FRMD4A: variants seen among roughly 807,000 people sequenced by gnomAD.
The protein encoded by FRMD4A is FERM domain containing 4A.
A neutral mutation model predicts 129.1 loss-of-function variants in FRMD4A; 29 were observed. That is an observed-to-expected ratio of 0.22 (90% CI 0.17 to 0.31). FRMD4A has a LOEUF of 0.31. FRMD4A is among the 10% of genes least tolerant of loss of function. The pLI is 1.00. For synonymous variants in FRMD4A, 634 were observed against 571.6 expected (o/e 1.11, Z -1.56); for missense variants, 1,272 against 1,375.8 (o/e 0.92, Z 1.19).
chr10:14,294,716 C>A (rs148761444), intron 2 of FRMD4A, among the ~76,000 whole-genome samples: 1 of 152,188 alleles, frequency 6.6e-6, no homozygotes, highest in South Asian at 2.1e-4. Flanking sequence ...GTCACTAAAG[C>A]CTAAATCCGC....
Position 13,796,446 on chromosome 10 carries a change from C to T in FRMD4A, c.299+50G>A, listed in dbSNP as rs61055644. ...GAATCACTCTGCCCTCCCAGACTTC[C>T]CTGATAAAGAACACAAAGAAGCAAA... is the stretch of plus-strand genomic sequence containing the variant. On this transcript the variant is annotated intron_variant, in intron 5 of 24. Transcript: ENST00000357447. 9,367 of 899,906 alleles carry T rather than the reference C, an allele frequency of 0.01. 500 individuals are homozygous for T. In the African/African-American group the frequency reaches 0.13, roughly 12 times the overall value. 55.7% of individuals were successfully genotyped at this position (899,906 alleles called of 1,614,324 possible). A position where few individuals can be genotyped will look rare whatever the true frequency, so the allele number is the denominator to read the frequency against.
chr10:14,146,717 C>T (rs1235343066), intron 2 of FRMD4A, among the ~76,000 whole-genome samples: 1 of 152,214 alleles, frequency 6.6e-6, no homozygotes, highest in African/African-American at 2.4e-5. Context: ...TCTTGCTCCA[C>T]CTGTGCCAGA....
At chr10:13,996,416 C>G (rs748670341) in intron 2 of FRMD4A, among the ~76,000 whole-genome samples, 1 of 151,660 alleles carries the variant, frequency 6.6e-6, no homozygotes, top group Non-Finnish European at 1.5e-5. Flanking sequence ...CCTGATGACT[C>G]TGCTCATCTA....
At chr10:13,849,568 T>A (rs1240597222) in intron 3 of FRMD4A, among the ~76,000 whole-genome samples, 3 of 151,050 alleles carry the variant, frequency 2.0e-5, no homozygotes, top group Non-Finnish European at 4.4e-5. Context: ...GCAACCTCCA[T>A]CTCCCACGTT....
At position 13,814,689 on chromosome 10, in the gene FRMD4A, G is replaced by A. The variant is rs540624853; in HGVS notation, c.112-3781C>T. ...AGAGAGCAAGAGAAAGAAAGAGAGAGAGAAAAAAAAGAGAGCTAAACTTTA... is the reference window on the plus strand; with the variant it reads ...AGAGAGCAAGAGAAAGAAAGAGAGAAAGAAAAAAAAGAGAGCTAAACTTTA... On this transcript the variant is annotated intron_variant, in intron 3 of 24. Coordinates refer to ENST00000357447, the MANE Select transcript of FRMD4A (RefSeq NM_018027.5). Among the ~76,000 whole-genome samples, 475 of 150,184 alleles carry A rather than the reference G, an allele frequency of 3.2e-3. 3 individuals carry two copies. Among genetic ancestry groups the A allele is most frequent in the African/African-American group, 0.011 (451 of 40,786 alleles).
intron 3 of FRMD4A, among the ~76,000 whole-genome samples, chr10:13,845,480 A>T (rs2094031224): frequency 6.6e-6 from 1 of 152,234 alleles, no homozygotes; most frequent in Non-Finnish European, 1.5e-5. Context: ...TATTAGGGAT[A>T]ATAGCACCAT....
At chr10:14,195,952 A>G (rs1842460519) in intron 2 of FRMD4A, among the ~76,000 whole-genome samples, 2 of 152,226 alleles carry the variant, frequency 1.3e-5, no homozygotes, top group South Asian at 4.1e-4. Flanking sequence ...TTTGTTCAGT[A>G]TGTTTACAGA....
rs781426735 is a variant in FRMD4A at position 13,660,522 on chromosome 10, G to C, written c.1692C>G (p.Pro564=). Residue 564 remains proline, a synonymous_variant, in exon 20 of 25, where the codon CCC becomes CCG. Transcript: ENST00000357447. The part of the protein sequence containing the change: ...EDSQVTSTIS[P]LHSPHKGLPP... ...GGAGTCCCTTGTGAGGAGAATGTAG[G>C]GGGGATATTGTGCTGGTAACCTGAG... The C allele has an allele frequency of 1.9e-6, 3 of 1,612,484 alleles. No individual in the cohort carries two copies. The highest frequency in any genetic ancestry group is 1.7e-5 in the Admixed American group (1 of 59,954).
rs1218851855 is a variant in FRMD4A at position 13,949,318 on chromosome 10, AG to A, written c.46-90407del. Among the ~76,000 whole-genome samples the A allele has an allele frequency of 1.2e-3, 171 of 144,736 alleles. 5 individuals are homozygous for A. The East Asian group carries it at 0.02, about 17-fold the overall frequency. The allele number at this position is 144,736 out of a possible 152,430, so 95.0% of individuals were successfully genotyped here. A position where few individuals can be genotyped will look rare whatever the true frequency, so the allele number is the denominator to read the frequency against. Reference sequence around the variant, plus strand: ...CTAGTGATCAAAAAAAAAAAAAAAAAGAAAGAAAGAAAGAATAGGATGGGGT... The same window carrying A: ...CTAGTGATCAAAAAAAAAAAAAAAAAAAAGAAAGAAAGAATAGGATGGGGT... On this transcript the variant is annotated intron_variant, in intron 2 of 24. Coordinates refer to ENST00000357447, the MANE Select transcript of FRMD4A (RefSeq NM_018027.5).
intron 2 of FRMD4A, among the ~76,000 whole-genome samples, chr10:14,095,247 T>C (rs538149614): frequency 2.0e-5 from 3 of 152,304 alleles, no homozygotes; most frequent in Non-Finnish European, 4.4e-5. Flanking sequence ...ATGACACTTC[T>C]CCCCACCAGC....
At chr10:14,061,534 C>T (rs905758427) in intron 2 of FRMD4A, among the ~76,000 whole-genome samples, 2 of 152,126 alleles carry the variant, frequency 1.3e-5, no homozygotes, top group Non-Finnish European at 2.9e-5. Flanking sequence ...GTGCTCATGA[C>T]GTAAACCTAA....
chr10:14,001,315 A>G (rs571822172), intron 2 of FRMD4A, among the ~76,000 whole-genome samples: 1 of 152,298 alleles, frequency 6.6e-6, no homozygotes, highest in African/African-American at 2.4e-5. Context: ...AACATGACCC[A>G]TGGCATGATG....
chr10:13,895,281 C>T (rs978430057), intron 2 of FRMD4A, among the ~76,000 whole-genome samples: 12 of 152,302 alleles, frequency 7.9e-5, no homozygotes, highest in African/African-American at 2.9e-4. Flanking sequence ...TTGTTCCCCT[C>T]TATGTGTCCA....
chr10:13,851,021 C>G (rs1300085258), intron 3 of FRMD4A, among the ~76,000 whole-genome samples: 24 of 152,118 alleles, frequency 1.6e-4, no homozygotes, highest in Admixed American at 1.6e-3. Flanking sequence ...TTCAGAGAAG[C>G]CTGGCCAACA....
chr10:13,669,959 G>A (rs1199155083), intron 17 of FRMD4A, among the ~76,000 whole-genome samples: 1 of 152,164 alleles, frequency 6.6e-6, no homozygotes, highest in Non-Finnish European at 1.5e-5. Flanking sequence ...ACCACGGGGC[G>A]GTGGACCCTA....
intron 2 of FRMD4A, chr10:13,891,663 T>C (rs2094698353): frequency 5.1e-6 from 5 of 985,292 alleles, no homozygotes; most frequent in Middle Eastern, 5.2e-4. Flanking sequence ...GAGGAACTTC[T>C]GGCTGCAAGC....
intron 2 of FRMD4A, among the ~76,000 whole-genome samples, chr10:14,063,074 G>A (rs1012160040): frequency 2.6e-5 from 4 of 152,076 alleles, no homozygotes; most frequent in Admixed American, 6.6e-5. Context: ...TATGACTTAC[G>A]AAACACTTAA....
intron 2 of FRMD4A, among the ~76,000 whole-genome samples, chr10:14,325,610 A>G (rs961106298): frequency 6.6e-6 from 1 of 152,260 alleles, no homozygotes; most frequent in Non-Finnish European, 1.5e-5. Flanking sequence ...GATTCTCTGA[A>G]GACGTCCTGT....
intron 2 of FRMD4A, among the ~76,000 whole-genome samples, chr10:14,001,947 A>C (rs1565172922): frequency 6.6e-6 from 1 of 152,224 alleles, no homozygotes; most frequent in Admixed American, 6.5e-5. Flanking sequence ...TCAGAATGTA[A>C]GCAGCACACA....
Sources: gnomAD v4.1 joint callset for allele counts (sites outside exome capture counted in the v4.1 genomes callset) on GRCh38, gnomAD v4.1.1 for gene constraint, MANE v1.5 for transcripts, NCBI Gene and HGNC (gene_info 2026-07-23, HGNC 2026-07-21) for gene names.